ANKRD26: variants seen among roughly 807,000 people sequenced by gnomAD.
ANKRD26 encodes the protein ankyrin repeat domain-containing protein 26.
In ANKRD26, 141 loss-of-function variants were observed where a neutral mutation model predicts 208.7. The ratio of observed to expected loss-of-function variants is 0.68; its 90% CI spans 0.59 to 0.78. The LOEUF is 0.78. Ranked by LOEUF, ANKRD26 falls within the 30% of genes least tolerant of loss-of-function variation. ANKRD26 has a pLI of 0.00. For missense variants in ANKRD26, 1,889 were observed against 1,938.7 expected (o/e 0.97, Z 0.48); for synonymous variants, 636 against 660.4 (o/e 0.96, Z 0.57).
intron 3 of ANKRD26, among the ~76,000 whole-genome samples, chr10:26,984,831 A>G (rs1170244656): frequency 2.6e-5 from 4 of 152,138 alleles, no homozygotes; most frequent in South Asian, 2.1e-4. Flanking sequence ...AAAAGCCCCT[A>G]TGAACTTAGC....
At chr10:27,028,633 T>C (rs187735469) in intron 27 of ANKRD26, among the ~76,000 whole-genome samples, 79 of 146,952 alleles carry the variant, frequency 5.4e-4, no homozygotes, top group Non-Finnish European at 1.0e-3. Context: ...TCAGGCTACA[T>C]ATATAAGGTA....
At chr10:26,989,449 T>TG (rs2052447322), downstream of ANKRD26, among the ~76,000 whole-genome samples, 1 of 152,208 alleles carries the variant, frequency 6.6e-6, no homozygotes. Flanking sequence ...AAAAGACTTA[T>TG]GGGCATTAAG....
At chr10:27,076,234 T>C (rs80254056) in intron 9 of ANKRD26, among the ~76,000 whole-genome samples, 2,426 of 149,082 alleles carry the variant, frequency 0.016, 25 homozygotes, top group South Asian at 0.029. Context: ...AAAAGATCAA[T>C]GAAACAAAAA....
At chr10:27,030,503 T>C in intron 25 of ANKRD26, 2 of 985,406 alleles carry the variant, frequency 2.0e-6, no homozygotes, top group Non-Finnish European at 2.4e-6. Context: ...GCGAGCACTC[T>C]GGTGGGCTTA....
At chr10:26,994,105 G>T (rs74128521) in intron 5 of ANKRD26, among the ~76,000 whole-genome samples, 3,185 of 152,224 alleles carry the variant, frequency 0.021, 173 homozygotes, top group East Asian at 0.17. Context: ...TTGTATACAG[G>T]TCTGGGCTGG....
chr10:27,033,529 A>C, intron 24 of ANKRD26, 152 bp from the exon 25 acceptor site: 1 of 773,706 alleles, frequency 1.3e-6, no homozygotes, highest in East Asian at 3.0e-5. Context: ...TCATATGTAC[A>C]CATTGCTGTT....
chr10:27,021,707 G>A (rs2053495661), intron 29 of ANKRD26, among the ~76,000 whole-genome samples: 1 of 152,016 alleles, frequency 6.6e-6, no homozygotes, highest in South Asian at 2.1e-4. Context: ...TGAATAGTTT[G>A]TTATTTTTTT....
intron 25 of ANKRD26, among the ~76,000 whole-genome samples, chr10:27,031,949 A>G (rs1330027910): frequency 3.9e-5 from 6 of 152,220 alleles, no homozygotes; most frequent in African/African-American, 1.4e-4. Context: ...CATAAAATAA[A>G]TCAACACAGA....
chr10:27,074,079 T>C (rs2055603029), intron 9 of ANKRD26, among the ~76,000 whole-genome samples: 1 of 150,048 alleles, frequency 6.7e-6, no homozygotes, highest in Non-Finnish European at 1.5e-5. Context: ...CCACCCAAAT[T>C]AGAAGGAACC....
intron 23 of ANKRD26, among the ~76,000 whole-genome samples, chr10:27,036,345 G>GT (rs78262309): frequency 1.1e-4 from 17 of 149,576 alleles, no homozygotes; most frequent in Middle Eastern, 3.4e-3. Flanking sequence ...AAAAGGAAAA[G>GT]TTAAAAAAAA....
chr10:27,080,413 A>G (rs1345501585), intron 6 of ANKRD26, among the ~76,000 whole-genome samples: 1 of 152,184 alleles, frequency 6.6e-6, no homozygotes, highest in Non-Finnish European at 1.5e-5. Context: ...GTCAAAACAC[A>G]TACGTATATG....
At chr10:26,984,034 C>T (rs945986032) in intron 3 of ANKRD26, among the ~76,000 whole-genome samples, 10 of 152,024 alleles carry the variant, frequency 6.6e-5, no homozygotes, top group African/African-American at 2.2e-4. Flanking sequence ...GTTTATTTCA[C>T]GGGCTACAGC....
downstream of ANKRD26, among the ~76,000 whole-genome samples, chr10:27,001,613 C>T (rs566608992): frequency 4.6e-5 from 7 of 152,222 alleles, no homozygotes; most frequent in East Asian, 7.7e-4. Context: ...AAAATCTGGC[C>T]GCCCCCACCC....
At chr10:26,956,334 T>C in the ANKRD26 span, among the ~76,000 whole-genome samples, 5 of 152,198 alleles carry the variant, frequency 3.3e-5, no homozygotes, top group Non-Finnish European at 7.4e-5. Flanking sequence ...TAAAAATTTC[T>C]GAACCATCTA....
In ANKRD26 at chr10:27,004,443, A is replaced by G. The variant is rs1186757697; in HGVS notation, c.*1147T>C. ...TTCGATGGGGAGTAGAGATATGTAC[A>G]TAGTCTCAAATTACCTCCCTGTAAA... On this transcript the variant is annotated 3_prime_UTR_variant, in exon 34 of 34. Transcript: ENST00000376087. The G allele has an allele frequency of 1.3e-5, 2 of 152,166 alleles. No homozygotes were observed. Among genetic ancestry groups the G allele is most frequent in the Non-Finnish European group, 2.9e-5 (2 of 68,030 alleles). The allele number at this position is 152,166 out of a possible 1,614,324, so 9.4% of individuals were successfully genotyped here. A position where few individuals can be genotyped will look rare whatever the true frequency, so the allele number is the denominator to read the frequency against.
At position 27,028,877 on chromosome 10, in the gene ANKRD26, T is replaced by C; in HGVS notation, c.3947A>G (p.Gln1316Arg). The change falls in exon 27 of 34, where the codon CAG becomes CGG. Residue 1316 changes from glutamine to arginine, a missense_variant. By Grantham distance (43) the Gln-to-Arg change is conservative. This residue lies in a region of ANKRD26 where 613 missense variants were observed against 648.2 expected (regional missense o/e 0.95). Transcript: ENST00000376087. ...CAAATTTGCATTTAACAGGTTTTTC[T>C]GAAGCTCCTCAATTTTGTCCATTTG... is the stretch of plus-strand genomic sequence containing the variant. Reference protein sequence around the residue: ...KKQMDKIEELQKNLLNANLSE... With the variant: ...KKQMDKIEELRKNLLNANLSE... The C allele has an allele frequency of 6.2e-7, 1 of 1,613,396 alleles. No individual in the cohort carries two copies. The highest frequency in any genetic ancestry group is 8.5e-7 in the Non-Finnish European group (1 of 1,179,602).
chr10:27,078,076 T>C (rs966184028), intron 7 of ANKRD26, among the ~76,000 whole-genome samples: 11 of 152,204 alleles, frequency 7.2e-5, no homozygotes, highest in African/African-American at 2.7e-4. Context: ...GAAATGTGTA[T>C]GCATGATTTA....
chr10:27,082,734 T>A, intron 6 of ANKRD26, 69 bp downstream of exon 6: 1 of 1,519,942 alleles, frequency 6.6e-7, no homozygotes, highest in Non-Finnish European at 8.8e-7. Context: ...CTACCCAGAG[T>A]AGGGCACTCA....
rs1437514690 is a variant in ANKRD26, at chr10:27,077,529, A to G, written c.886T>C (p.Tyr296His). ...QQSRKNLEAT[Y>H]GTVRTGNRTL... is the part of the protein sequence containing the mutation. ...CTATTTCCTGTTCTCACAGTGCCAT[A>G]TGTTGCTTCTACTACAGTAAAAACA... The change falls in exon 9 of 34, where the codon TAT becomes CAT. Residue 296 changes from tyrosine to histidine, a missense_variant. Around this residue, in one of 3 missense-constraint regions of ANKRD26, gnomAD observed 1,272 missense variants for 1,273.8 expected, o/e 1.00. Coordinates refer to ENST00000376087, the MANE Select transcript of ANKRD26 (RefSeq NM_014915.3). 12 of 1,613,872 alleles carry G rather than the reference A, an allele frequency of 7.4e-6. No individual in the cohort carries two copies. The highest frequency in any genetic ancestry group is 1.0e-5 in the Non-Finnish European group (12 of 1,179,894).
Sources: allele counts gnomAD v4.1 joint callset (sites outside exome capture counted in the v4.1 genomes callset), GRCh38; gene constraint gnomAD v4.1.1; regional missense constraint gnomAD v4.1.1; transcripts MANE v1.5; gene names NCBI Gene and HGNC (gene_info 2026-07-23, HGNC 2026-07-21).